The following SNTG2 variants were observed in gnomAD, a reference collection of about 807,000 sequenced individuals.
SNTG2 encodes the protein gamma-2-syntrophin.
In SNTG2, 74 loss-of-function variants were observed where a neutral mutation model predicts 70.9. The ratio of observed to expected loss-of-function variants is 1.04; its 90% CI spans 0.86 to 1.27. SNTG2 has a LOEUF of 1.27. SNTG2 is among the 50% of genes most tolerant of loss of function. The probability of loss-of-function intolerance (pLI) is 0.00; values close to 1 mark genes in which losing one functional copy is unlikely to be tolerated. For synonymous variants in SNTG2, 278 were observed against 273.8 expected (o/e 1.02, Z -0.15); for missense variants, 717 against 690.7 (o/e 1.04, Z -0.43).
At chr2:1,111,748 G>GTGTTCTA (rs1217314101) in intron 4 of SNTG2, among the ~76,000 whole-genome samples, 4 of 151,906 alleles carry the variant, frequency 2.6e-5, no homozygotes, top group African/African-American at 4.8e-5. Context: ...GAAGAATCGT[G>GTGTTCTA]TGTTCTAAGT....
intron 8 of SNTG2, among the ~76,000 whole-genome samples, chr2:1,187,622 T>C (rs961779364): frequency 6.6e-6 from 1 of 152,118 alleles, no homozygotes; most frequent in African/African-American, 2.4e-5. Flanking sequence ...GAACCCTGAC[T>C]AATATAGTAG....
intron 7 of SNTG2, among the ~76,000 whole-genome samples, chr2:1,166,953 C>T (rs1258480391): frequency 2.6e-5 from 4 of 152,144 alleles, no homozygotes; most frequent in Admixed American, 1.3e-4. Context: ...ACTCCATGCC[C>T]CTTCTGGCTC....
At chr2:968,492 A>G (rs1330742207) in intron 1 of SNTG2, among the ~76,000 whole-genome samples, 2 of 151,850 alleles carry the variant, frequency 1.3e-5, no homozygotes, top group Middle Eastern at 3.4e-3. Flanking sequence ...TTTTGTGCTT[A>G]TTATTTTCTC....
chr2:1,058,405 T>C (rs1274862797), intron 1 of SNTG2, among the ~76,000 whole-genome samples: 1 of 152,170 alleles, frequency 6.6e-6, no homozygotes, highest in Admixed American at 6.5e-5. Context: ...TATGTGACAT[T>C]GTTTCTTTGA....
intron 1 of SNTG2, among the ~76,000 whole-genome samples, chr2:1,080,474 A>T (rs1664210902): frequency 1.3e-5 from 2 of 152,174 alleles, no homozygotes; most frequent in South Asian, 4.1e-4. Flanking sequence ...TGTGGTGTGT[A>T]TGTGCCTATG....
At chr2:1,265,980 GC>G (rs1379709547) in intron 13 of SNTG2, among the ~76,000 whole-genome samples, 1 of 152,158 alleles carries the variant, frequency 6.6e-6, no homozygotes, top group African/African-American at 2.4e-5. Context: ...TCTGGTGGGG[GC>G]TCTTCAGGGT....
At chr2:1,270,990 A>G (rs1485953259) in intron 14 of SNTG2, among the ~76,000 whole-genome samples, 1 of 152,218 alleles carries the variant, frequency 6.6e-6, no homozygotes, top group East Asian at 1.9e-4. Context: ...TAAACTGATG[A>G]CATTCCTTCA....
chr2:1,153,820 C>T (rs1006263364), intron 6 of SNTG2, among the ~76,000 whole-genome samples: 3 of 152,182 alleles, frequency 2.0e-5, no homozygotes, highest in Non-Finnish European at 2.9e-5. Flanking sequence ...TTCCTAACTT[C>T]GAACAAAAAT....
intron 4 of SNTG2, among the ~76,000 whole-genome samples, chr2:1,136,592 A>G (rs936498018): frequency 2.0e-5 from 3 of 152,240 alleles, no homozygotes; most frequent in African/African-American, 7.2e-5. Flanking sequence ...TAGAATTGAC[A>G]GTTAATCTGT....
intron 15 of SNTG2, 68 bp from the exon 16 acceptor site, chr2:1,316,197 G>C: frequency 1.4e-6 from 1 of 732,900 alleles, no homozygotes; most frequent in Non-Finnish European, 2.3e-6. Context: ...GTTTAATGTA[G>C]TAACAGATGC....
At chr2:1,147,485 CT>C (rs1434253748) in intron 6 of SNTG2, among the ~76,000 whole-genome samples, 1 of 152,210 alleles carries the variant, frequency 6.6e-6, no homozygotes, top group African/African-American at 2.4e-5. Flanking sequence ...GCTTCCTGCC[CT>C]TGAACATCAG....
chr2:1,050,409 T>G (rs1302107336), intron 1 of SNTG2, among the ~76,000 whole-genome samples: 1 of 152,174 alleles, frequency 6.6e-6, no homozygotes, highest in Non-Finnish European at 1.5e-5. Flanking sequence ...TCCTTCCTAT[T>G]TATTGTAGAG....
chr2:1,077,580 G>T (rs1572375716), intron 1 of SNTG2, among the ~76,000 whole-genome samples: 3 of 152,218 alleles, frequency 2.0e-5, no homozygotes, highest in Admixed American at 2.0e-4. Flanking sequence ...TTCGAATATG[G>T]TATTTTTGTT....
intron 16 of SNTG2, chr2:1,346,276 A>G (rs72772240): frequency 0.16 from 21,469 of 133,518 alleles, 3,365 homozygotes; most frequent in African/African-American, 0.28. Context: ...GCCACCCTCC[A>G]CCCTGCCTGG....
chr2:1,046,401 G>A (rs777589522), intron 1 of SNTG2, among the ~76,000 whole-genome samples: 1 of 152,034 alleles, frequency 6.6e-6, no homozygotes, highest in African/African-American at 2.4e-5. Context: ...CTGTCATCGT[G>A]TTATTAGGTA....
At chr2:1,266,330 G>A (rs1426577709) in intron 13 of SNTG2, among the ~76,000 whole-genome samples, 1 of 152,126 alleles carries the variant, frequency 6.6e-6, no homozygotes, top group Non-Finnish European at 1.5e-5. Flanking sequence ...TCCCGAAGTG[G>A]GGTGCAACCT....
chr2:1,284,937 T>C (rs1679706660), intron 14 of SNTG2, among the ~76,000 whole-genome samples: 1 of 151,492 alleles, frequency 6.6e-6, no homozygotes, highest in Non-Finnish European at 1.5e-5. Flanking sequence ...CATATTAGTT[T>C]TACAACTCTA....
intron 14 of SNTG2, among the ~76,000 whole-genome samples, chr2:1,284,703 G>C (rs566572802): frequency 3.9e-5 from 6 of 152,132 alleles, no homozygotes; most frequent in African/African-American, 1.4e-4. Context: ...AAAACAAGTA[G>C]AAAGTTAAAG....
Position 1,121,506 on chromosome 2 carries a change from C to T in SNTG2, c.326-16116C>T, listed in dbSNP as rs1237257354. 2.6e-5 allele frequency among the ~76,000 whole-genome samples: 4 copies of T among 152,130 alleles called. No individual in the cohort carries two copies. In the East Asian group the frequency reaches 5.8e-4, roughly 22 times the overall value. ...GGCAAACTCTTCATCTGTATTAGTC[C>T]GTTCTCACGCTGCTATAAAGAACTG... On this transcript the variant is annotated intron_variant, in intron 4 of 16. Coordinates refer to ENST00000308624, the MANE Select transcript of SNTG2 (RefSeq NM_018968.4).
Sources: gnomAD v4.1 joint callset for allele counts (sites outside exome capture counted in the v4.1 genomes callset) on GRCh38, gnomAD v4.1.1 for gene constraint, MANE v1.5 for transcripts, NCBI Gene and HGNC (gene_info 2026-07-23, HGNC 2026-07-21) for gene names.